ADGRV1: variants seen among roughly 807,000 people sequenced by gnomAD.
The protein encoded by ADGRV1 is G-protein coupled receptor 98.
ADGRV1 carries 359 observed loss-of-function variants against 596.2 expected under a neutral mutation model. That is an observed-to-expected ratio of 0.60 (90% CI 0.55 to 0.66). The LOEUF (loss-of-function observed/expected upper bound fraction) is 0.66. Ranked by LOEUF, ADGRV1 falls within the 30% of genes least tolerant of loss-of-function variation. The probability of loss-of-function intolerance (pLI) is 0.00; values close to 1 mark genes in which losing one functional copy is unlikely to be tolerated. For missense variants in ADGRV1, 7,274 were observed against 7,575.6 expected, an observed-to-expected ratio of 0.96 and a Z score of 1.48; for synonymous variants, 2,681 against 2,679.2, an observed-to-expected ratio of 1.00 and a Z score of -0.02.
chr5:90,712,313 G>C lies in ADGRV1; in HGVS notation c.9069G>C (p.Arg3023Ser), dbSNP rs540089974. Reference protein sequence around the residue: ...PMILHFADGERYKNVNIMILD... With the variant: ...PMILHFADGESYKNVNIMILD... ...TTCTTCATTTTGCTGATGGAGAAAGGTATAAAAATGTCAATATCATGATTC... is the reference window on the plus strand; with the variant it reads ...TTCTTCATTTTGCTGATGGAGAAAGCTATAAAAATGTCAATATCATGATTC... Residue 3023 changes from arginine to serine, a missense_variant, in exon 42 of 90, where the codon AGG (arginine) becomes AGC (serine). Arg to Ser is a moderately radical substitution (Grantham distance 110). Coordinates refer to ENST00000405460, the MANE Select transcript of ADGRV1 (RefSeq NM_032119.4). The C allele has an allele frequency of 6.4e-6, 10 of 1,551,138 alleles. No homozygotes were observed. In the East Asian group the frequency reaches 1.9e-4, roughly 29 times the overall value.
intron 59 of ADGRV1, among the ~76,000 whole-genome samples, chr5:90,769,759 A>T (rs898914601): frequency 6.6e-6 from 1 of 152,178 alleles, no homozygotes; most frequent in Non-Finnish European, 1.5e-5. Flanking sequence ...TTTAAAATAT[A>T]TACATTTAAA....
chr5:90,724,671 A>C (rs141275196), intron 45 of ADGRV1, among the ~76,000 whole-genome samples, 161 bp from the exon 46 acceptor site: 1 of 152,326 alleles, frequency 6.6e-6, no homozygotes, highest in East Asian at 1.9e-4. Context: ...TAGTTATTTT[A>C]AAGTTTTCCC....
chr5:91,152,627 ATAAAAT>A (rs978901236), intron 88 of ADGRV1, among the ~76,000 whole-genome samples: 3 of 152,186 alleles, frequency 2.0e-5, no homozygotes, highest in Non-Finnish European at 2.9e-5. Context: ...AAGAATGAAG[ATAAAAT>A]TAAAGTTGTT....
At chr5:90,662,384 G>A (rs1373590560) in intron 21 of ADGRV1, among the ~76,000 whole-genome samples, 3 of 151,576 alleles carry the variant, frequency 2.0e-5, no homozygotes, top group Non-Finnish European at 4.4e-5. Flanking sequence ...TAGCAGAGAC[G>A]GGGTTTCACT....
At chr5:90,595,758 T>C (rs1370550013) in intron 1 of ADGRV1, among the ~76,000 whole-genome samples, 1 of 133,764 alleles carries the variant, frequency 7.5e-6, no homozygotes, top group Non-Finnish European at 1.6e-5. Flanking sequence ...GCCCCTCACC[T>C]CCCGGACGGG....
chr5:90,852,552 T>C (rs1214450450), intron 79 of ADGRV1, among the ~76,000 whole-genome samples: 1 of 152,168 alleles, frequency 6.6e-6, no homozygotes, highest in African/African-American at 2.4e-5. Flanking sequence ...GTTACAAATA[T>C]AAATTCCTAG....
intron 83 of ADGRV1, among the ~76,000 whole-genome samples, chr5:90,926,840 T>C (rs1022443050): frequency 6.6e-6 from 1 of 151,816 alleles, no homozygotes; most frequent in African/African-American, 2.4e-5. Flanking sequence ...TGTGTCTTTG[T>C]TCTCATTGGT....
intron 74 of ADGRV1, among the ~76,000 whole-genome samples, chr5:90,812,131 G>A (rs957616226): frequency 1.3e-5 from 2 of 151,876 alleles, no homozygotes; most frequent in African/African-American, 4.8e-5. Flanking sequence ...GTTTCATCAT[G>A]TTGGCCAGCT....
intron 75 of ADGRV1, among the ~76,000 whole-genome samples, chr5:90,820,230 G>T (rs1301023651): frequency 2.1e-5 from 3 of 146,146 alleles, no homozygotes; most frequent in Admixed American, 6.9e-5. Context: ...CAGAGACTAG[G>T]ATTGCAACCC....
intron 1 of ADGRV1, among the ~76,000 whole-genome samples, chr5:90,599,221 C>A (rs1414045697): frequency 8.5e-5 from 13 of 152,136 alleles, no homozygotes; most frequent in Admixed American, 8.5e-4. Flanking sequence ...GCATTCACTT[C>A]TCTGCAAAGA....
chr5:90,810,678 A>G lies in ADGRV1; in HGVS notation c.15418A>G (p.Thr5140Ala), dbSNP rs377551242. ...LAGMDISFPE[T>A]TVAVAVDTTL... is the part of the protein sequence containing the mutation. ...AGGAATGGATATTTCCTTCCCCGAG[A>G]CAACTGTGGCTGTAGCAGTTGACAC... The change falls in exon 74 of 90, where the codon ACA (threonine) becomes GCA (alanine). Residue 5140 changes from threonine (T) to alanine (A), a missense_variant. By Grantham distance (58) the Thr-to-Ala change is moderately conservative. Transcript: ENST00000405460. The G allele has an allele frequency of 1.1e-5, 17 of 1,613,868 alleles. No homozygotes were observed. The highest frequency in any genetic ancestry group is 1.4e-5 in the Non-Finnish European group (17 of 1,179,900).
Position 90,948,631 on chromosome 5 carries a change from A to G in ADGRV1, c.17857-16784A>G, listed in dbSNP as rs372903088. Among the ~76,000 whole-genome samples the G allele has an allele frequency of 6.6e-5, 10 of 152,266 alleles. No homozygotes were observed. The South Asian group carries it at 2.1e-3, about 32-fold the overall frequency. On this transcript the variant is annotated intron_variant, in intron 83 of 89. Coordinates refer to ENST00000405460, the MANE Select transcript of ADGRV1 (RefSeq NM_032119.4). ...GGGGTTACATCCCAATAAACCTATA[A>G]GTTTAAAATGCATTAAATATACCTT... is the stretch of plus-strand genomic sequence containing the variant.
chr5:91,141,186 T>C (rs538364865), intron 87 of ADGRV1, among the ~76,000 whole-genome samples: 2 of 152,234 alleles, frequency 1.3e-5, no homozygotes, highest in East Asian at 3.8e-4. Flanking sequence ...AGAATAGACA[T>C]CTGTCCAAAC....
chr5:90,819,883 GTA>G lies in ADGRV1; in HGVS notation c.16197-3538_16197-3537del, dbSNP rs1763302229. ...GGTGTGGTGTGGTGCTGAAAAAAAT[GTA>G]TATTCTGTTGATTTGGGGTGGAGAG... On this transcript the variant is annotated intron_variant, in intron 75 of 89. Coordinates refer to ENST00000405460, the MANE Select transcript of ADGRV1 (RefSeq NM_032119.4). 5.3e-5 allele frequency among the ~76,000 whole-genome samples: 8 copies of G among 152,102 alleles called. No individual in the cohort carries two copies. In the South Asian group the frequency reaches 1.7e-3, roughly 32 times the overall value.
intron 16 of ADGRV1, 109 bp from the exon 17 acceptor site, chr5:90,647,389 A>G: frequency 9.1e-7 from 1 of 1,095,356 alleles, no homozygotes; most frequent in Non-Finnish European, 1.3e-6. Context: ...TTTGGCAAAG[A>G]CACAGTACAA....
chr5:90,869,803 A>T (rs752434562), intron 83 of ADGRV1, among the ~76,000 whole-genome samples: 13 of 152,144 alleles, frequency 8.5e-5, no homozygotes, highest in Non-Finnish European at 7.4e-5. Context: ...CATTTTACAG[A>T]TTAGGAAATT....
Position 91,061,759 on chromosome 5 carries a change from A to G in ADGRV1, c.18153-10688A>G, listed in dbSNP as rs565276022. 9.8e-5 allele frequency among the ~76,000 whole-genome samples: 15 copies of G among 152,296 alleles called. No individual in the cohort carries two copies. In the South Asian group the frequency reaches 3.1e-3, roughly 32 times the overall value. On this transcript the variant is annotated intron_variant, in intron 85 of 89. Coordinates refer to ENST00000405460, the MANE Select transcript of ADGRV1 (RefSeq NM_032119.4). The stretch of plus-strand genomic sequence containing the variant: ...TTGGCATTTTTTGAGGGATTTGTCA[A>G]TATGTAGAGTTAGTTAGCAATTCTC...
chr5:90,692,189 A>C (rs1746563862), intron 31 of ADGRV1, among the ~76,000 whole-genome samples: 1 of 152,118 alleles, frequency 6.6e-6, no homozygotes, highest in Non-Finnish European at 1.5e-5. Context: ...ATTTTGTCAA[A>C]TAATTTTATT....
chr5:91,015,900 C>A (rs1783136232), intron 85 of ADGRV1, among the ~76,000 whole-genome samples: 2 of 151,886 alleles, frequency 1.3e-5, no homozygotes, highest in Non-Finnish European at 2.9e-5. Context: ...TGGATTTGGT[C>A]CTGTCATTGT....
Sources: allele counts gnomAD v4.1 joint callset (sites outside exome capture counted in the v4.1 genomes callset), GRCh38; gene constraint gnomAD v4.1.1; transcripts MANE v1.5; gene names NCBI Gene and HGNC (gene_info 2026-07-23, HGNC 2026-07-21).